LOC400499: variants seen among roughly 807,000 people sequenced by gnomAD.
chr16:11,415,880 C>T, the LOC400499 span, among the ~76,000 whole-genome samples: 1 of 152,164 alleles, frequency 6.6e-6, no homozygotes, highest in Non-Finnish European at 1.5e-5. Context: ...GGACAATTTC[C>T]CCATGTGATC....
chr16:11,460,827 C>T, the LOC400499 span: 5 of 1,265,964 alleles, frequency 3.9e-6, no homozygotes, highest in Admixed American at 2.8e-5. Context: ...GTATTCAGTC[C>T]TACTCAGAGC....
At chr16:11,435,344 A>G in the LOC400499 span, among the ~76,000 whole-genome samples, 1 of 150,394 alleles carries the variant, frequency 6.6e-6, no homozygotes, top group Non-Finnish European at 1.5e-5. Context: ...GAGCTCCTGA[A>G]CTCAAGCAAT....
chr16:11,474,574 A>C, the LOC400499 span, among the ~76,000 whole-genome samples: 1 of 152,150 alleles, frequency 6.6e-6, no homozygotes, highest in East Asian at 1.9e-4. Flanking sequence ...GTAAAGGAAA[A>C]TAAAGCCGGG....
At chr16:11,449,145 C>T in the LOC400499 span, 3 of 1,372,240 alleles carry the variant, frequency 2.2e-6, no homozygotes, top group Non-Finnish European at 2.9e-6. Context: ...GGCCTTTGCA[C>T]ACCCTATTTC....
At chr16:11,433,066 T>C in the LOC400499 span, among the ~76,000 whole-genome samples, 1,329 of 152,326 alleles carry the variant, frequency 8.7e-3, 27 homozygotes, top group African/African-American at 0.03. Flanking sequence ...TAAAGTTTTA[T>C]TGGAGCACAA....
the LOC400499 span, among the ~76,000 whole-genome samples, chr16:11,482,971 GAAAAC>G: frequency 6.6e-6 from 1 of 150,518 alleles, no homozygotes; most frequent in Non-Finnish European, 1.5e-5. Flanking sequence ...TCAGTAATAA[GAAAAC>G]AAGCCAACAA....
chr16:11,407,181 T>C, the LOC400499 span: 1 of 398,994 alleles, frequency 2.5e-6, no homozygotes, highest in Non-Finnish European at 4.4e-6. Context: ...GCTCCGGCCC[T>C]GGGCTGACCT....
At chr16:11,439,386 C>G in the LOC400499 span, 125 of 397,640 alleles carry the variant, frequency 3.1e-4, no homozygotes, top group Admixed American at 1.1e-3. Flanking sequence ...TCCCTCGGGC[C>G]CCCATCCTGC....
At chr16:11,502,063 G>A in the LOC400499 span, 6 of 398,942 alleles carry the variant, frequency 1.5e-5, no homozygotes, top group Non-Finnish European at 2.7e-5. Flanking sequence ...CCCCCACCCG[G>A]AGAGGGACCT....
the LOC400499 span, among the ~76,000 whole-genome samples, chr16:11,445,517 C>T: frequency 2.6e-5 from 4 of 152,012 alleles, no homozygotes; most frequent in Non-Finnish European, 5.9e-5. Context: ...GATGCTTGAG[C>T]TCAATCCTAA....
chr16:11,457,243 G>A, the LOC400499 span: 507 of 544,370 alleles, frequency 9.3e-4, 4 homozygotes, highest in African/African-American at 8.7e-3. Flanking sequence ...ATACGCTGAT[G>A]GTGGGAATGT....
At chr16:11,396,063 G>A in the LOC400499 span, among the ~76,000 whole-genome samples, 60 of 152,238 alleles carry the variant, frequency 3.9e-4, no homozygotes, top group Admixed American at 3.9e-4. Flanking sequence ...AAATACTTAC[G>A]TAGTGGCTGT....
At chr16:11,493,640 T>C in the LOC400499 span, 2 of 396,370 alleles carry the variant, frequency 5.0e-6, no homozygotes, top group Non-Finnish European at 8.9e-6. Context: ...ACACAAGGGC[T>C]CACGTCTGCA....
the LOC400499 span, among the ~76,000 whole-genome samples, chr16:11,496,590 G>A: frequency 1.3e-5 from 2 of 152,176 alleles, no homozygotes; most frequent in Non-Finnish European, 2.9e-5. Context: ...TTTCCTGGTG[G>A]ATGCCTGTGC....
chr16:11,376,888 C>A, the LOC400499 span, among the ~76,000 whole-genome samples: 1 of 151,748 alleles, frequency 6.6e-6, no homozygotes. Context: ...AAATCTTTGC[C>A]TCCTGGTTAA....
chr16:11,465,505 C>T, the LOC400499 span: 1 of 152,100 alleles, frequency 6.6e-6, no homozygotes, highest in Non-Finnish European at 1.5e-5. Context: ...GGGCTTCAAA[C>T]GACTAAGTTC....
At chr16:11,381,356 C>T in the LOC400499 span, among the ~76,000 whole-genome samples, 2 of 152,116 alleles carry the variant, frequency 1.3e-5, no homozygotes, top group East Asian at 1.9e-4. Context: ...TCGCCTCAGC[C>T]TCCCAAAGTG....
At chr16:11,414,752 T>G in the LOC400499 span, among the ~76,000 whole-genome samples, 1 of 152,220 alleles carries the variant, frequency 6.6e-6, no homozygotes, top group Non-Finnish European at 1.5e-5. Context: ...TCATTGAAGT[T>G]GAAGTTGCTG....
At chr16:11,440,467 TGA>T in the LOC400499 span, among the ~76,000 whole-genome samples, 1 of 152,204 alleles carries the variant, frequency 6.6e-6, no homozygotes, top group African/African-American at 2.4e-5. Flanking sequence ...GCCTGGATCC[TGA>T]GAGACTGCAT....
Sources: allele counts gnomAD v4.1 joint callset (sites outside exome capture counted in the v4.1 genomes callset), GRCh38; gene constraint gnomAD v4.1.1; transcripts MANE v1.5.